The following STX1A variants were observed in gnomAD, a reference collection of about 807,000 sequenced individuals.
The protein encoded by STX1A is syntaxin 1A.
In STX1A, 4 loss-of-function variants were observed where a neutral mutation model predicts 37.8. That is an observed-to-expected ratio of 0.11 (90% CI 0.05 to 0.24). STX1A has a LOEUF of 0.24. Ranked by LOEUF, STX1A falls within the 10% of genes least tolerant of loss-of-function variation. STX1A has a pLI of 1.00. For missense variants in STX1A, 251 were observed against 399.9 expected (o/e 0.63, Z 3.18); for synonymous variants, 135 against 147.4 (o/e 0.92, Z 0.61).
chr7:73,706,657 T>TC lies in STX1A; in HGVS notation c.209-1434dup, dbSNP rs1554617047. On this transcript the variant is annotated intron_variant, in intron 3 of 9. Coordinates refer to ENST00000222812, the MANE Select transcript of STX1A (RefSeq NM_004603.4). The surrounding 1 kb of genome is among the most constrained non-coding windows in gnomAD (Gnocchi z 4.6). ...GAGCCCAAGGTGTGGAGCAGACAGCTCTGCTGCCCCATGCCCGCCCCACCT... is the reference window on the plus strand; with the variant it reads ...GAGCCCAAGGTGTGGAGCAGACAGCTCCTGCTGCCCCATGCCCGCCCCACCT... Among the ~76,000 whole-genome samples, 1 of 151,894 alleles carries TC rather than the reference T, an allele frequency of 6.6e-6. No individual in the cohort carries two copies. The highest frequency in any genetic ancestry group is 2.4e-5 in the African/African-American group (1 of 41,316).
In STX1A at chr7:73,704,123, G is replaced by A. The variant is rs1033645257; in HGVS notation, c.466+25C>T. 5 of 685,720 alleles carry A rather than the reference G, an allele frequency of 7.3e-6. No homozygotes were observed. The Admixed American group carries it at 9.7e-5, about 13-fold the overall frequency. The allele number at this position is 685,720 out of a possible 1,614,324, so 42.5% of individuals were successfully genotyped here. On this transcript the variant is annotated intron_variant, in intron 6 of 9. Transcript: ENST00000222812. ...CCCGCCCCTCCAGGCTCCAGGCCCC[G>A]CCCCAGGCCCCACCCCCAGCTCACT...
At chr7:73,712,937 C>T (rs1799155388) in intron 1 of STX1A, among the ~76,000 whole-genome samples, 1 of 152,140 alleles carries the variant, frequency 6.6e-6, no homozygotes. Flanking sequence ...TGGGCAATGC[C>T]AAAGATCTGG....
In STX1A at chr7:73,716,099, G is replaced by T. The variant is rs1018309975; in HGVS notation, c.30+3503C>A. On this transcript the variant is annotated intron_variant, in intron 1 of 9. Transcript: ENST00000222812. ...CTGTTTTCTGATCTGTAAGATAGGA[G>T]GTTGAACTAGATGGTCCCGGGAGGC... is the stretch of plus-strand genomic sequence containing the variant. 2.6e-5 allele frequency among the ~76,000 whole-genome samples: 4 copies of T among 152,370 alleles called. No homozygotes were observed. The East Asian group carries it at 7.7e-4, about 29-fold the overall frequency.
In STX1A at chr7:73,705,372, GC is replaced by G. The variant is rs1231485476; in HGVS notation, c.209-149del. The G allele has an allele frequency of 2.2e-5, 14 of 647,938 alleles. No homozygotes were observed. The highest frequency in any genetic ancestry group is 3.7e-5 in the African/African-American group (2 of 54,464). The allele number at this position is 647,938 out of a possible 1,614,324, so 40.1% of individuals were successfully genotyped here. ...CCCCTGGCTAAGGCTCTGCCTGCCC[GC>G]CCCCCTCCCCCAATTCTGGGCCAGG... On this transcript the variant is annotated intron_variant, in intron 3 of 9. Coordinates refer to ENST00000222812, the MANE Select transcript of STX1A (RefSeq NM_004603.4). The surrounding 1 kb of genome is among the most constrained non-coding windows in gnomAD (Gnocchi z 5.2).
At position 73,700,935 on chromosome 7, in the gene STX1A, G is replaced by A. The variant is rs1180416539; in HGVS notation, c.679-95C>T. 1.3e-6 allele frequency: 2 copies of A among 1,568,088 alleles called. No homozygotes were observed. Among genetic ancestry groups the A allele is most frequent in the Non-Finnish European group, 1.7e-6 (2 of 1,162,460 alleles). ...ACTTCAGGAAAGCACCCTGAGGCTAGAGACAAAAAGGGGGCGTGAGGAGGT... is the reference window on the plus strand; with the variant it reads ...ACTTCAGGAAAGCACCCTGAGGCTAAAGACAAAAAGGGGGCGTGAGGAGGT... On this transcript the variant is annotated intron_variant, in intron 8 of 9. Coordinates refer to ENST00000222812, the MANE Select transcript of STX1A (RefSeq NM_004603.4). The surrounding 1 kb of genome is among the most constrained non-coding windows in gnomAD (Gnocchi z 4.4).
chr7:73,700,618 C>T lies in STX1A; in HGVS notation c.789+112G>A. ...AGGTGACGGCCTGGGAGGGGGCTGT[C>T]ATGGGGAGCTCCTGAGAGAAGGGAG... On this transcript the variant is annotated intron_variant, in intron 9 of 9. Transcript: ENST00000222812. This position sits in a 1 kb window ranked among gnomAD's most constrained non-coding sequence, Gnocchi z 4.4. 1.3e-6 allele frequency: 2 copies of T among 1,505,132 alleles called. No individual in the cohort carries two copies. The highest frequency in any genetic ancestry group is 1.8e-6 in the Non-Finnish European group (2 of 1,105,206). The allele number at this position is 1,505,132 out of a possible 1,614,324, so 93.2% of individuals were successfully genotyped here.
intron 1 of STX1A, among the ~76,000 whole-genome samples, chr7:73,712,147 G>A (rs962115224): frequency 2.0e-5 from 3 of 152,052 alleles, no homozygotes; most frequent in African/African-American, 7.2e-5. Context: ...CAGTCGGGGG[G>A]CTGAGGGCCT....
At chr7:73,711,041 T>G (rs1584253135) in intron 1 of STX1A, among the ~76,000 whole-genome samples, 1 of 152,028 alleles carries the variant, frequency 6.6e-6, no homozygotes, top group African/African-American at 2.4e-5. Flanking sequence ...CAGGCTGGAG[T>G]GCAGTGGCAC....
At chr7:73,710,211 C>T (rs532389468) in intron 1 of STX1A, among the ~76,000 whole-genome samples, 4 of 152,368 alleles carry the variant, frequency 2.6e-5, no homozygotes, top group East Asian at 1.9e-4. Flanking sequence ...CCACCCCCAT[C>T]GTGGGGCAGG....
chr7:73,719,633 C>G lies in STX1A; in HGVS notation c.-2G>C. On this transcript the variant is annotated 5_prime_UTR_variant, in exon 1 of 10. Transcript: ENST00000222812. ...GAGCTCCTGGGTTCGGTCCTTCATG[C>G]TCCCGGGAGTGGCAGCGGCGCCGGC... 1 of 1,199,148 alleles carries G rather than the reference C, an allele frequency of 8.3e-7. No individual in the cohort carries two copies. Among genetic ancestry groups the G allele is most frequent in the Middle Eastern group, 3.4e-4 (1 of 2,980 alleles). The allele number at this position is 1,199,148 out of a possible 1,614,324, so 74.3% of individuals were successfully genotyped here. A position where few individuals can be genotyped will look rare whatever the true frequency, so the allele number is the denominator to read the frequency against.
Position 73,703,723 on chromosome 7 carries a change from G to T in STX1A, c.540+32C>A, listed in dbSNP as rs1490970449. On this transcript the variant is annotated intron_variant, in intron 7 of 9. Transcript: ENST00000222812. ...TGGACGTAGGGAACATGGTGAGGGG[G>T]TCATGGCAGGAGGGATGGGGCCTAC... is the stretch of plus-strand genomic sequence containing the variant. The T allele has an allele frequency of 5.0e-6, 8 of 1,605,650 alleles. No homozygotes were observed. The African/African-American group carries it at 5.3e-5, about 11-fold the overall frequency.
At chr7:73,715,991 A>G (rs1268562825) in intron 1 of STX1A, among the ~76,000 whole-genome samples, 1 of 152,138 alleles carries the variant, frequency 6.6e-6, no homozygotes, top group Non-Finnish European at 1.5e-5. Flanking sequence ...TGGCTCAGGG[A>G]GGCAGCTTCA....
intron 1 of STX1A, among the ~76,000 whole-genome samples, chr7:73,718,173 A>G (rs1799358086): frequency 6.6e-6 from 1 of 152,012 alleles, no homozygotes; most frequent in South Asian, 2.1e-4. Flanking sequence ...GCCGCGGGGG[A>G]AGTGTTTAGA....
rs1165072859 is a variant in STX1A at position 73,709,919 on chromosome 7, CG to C, written c.31-798del. 6.6e-6 allele frequency among the ~76,000 whole-genome samples: 1 copy of C among 151,816 alleles called. No homozygotes were observed. On this transcript the variant is annotated intron_variant, in intron 1 of 9. Transcript: ENST00000222812. The surrounding 1 kb of genome is among the most constrained non-coding windows in gnomAD (Gnocchi z 4.2). The stretch of plus-strand genomic sequence containing the variant: ...AATTTAATTTTTATTTTTGTAGAGA[CG>C]GGGGTCTCACTGTGTTACCCAGGCT...
At chr7:73,719,550 C>A in intron 1 of STX1A, 52 bp downstream of exon 1, 1 of 1,202,042 alleles carries the variant, frequency 8.3e-7, no homozygotes. Flanking sequence ...GTGTCCGGCG[C>A]GTTGGCGCTG....
intron 3 of STX1A, among the ~76,000 whole-genome samples, chr7:73,707,491 G>A (rs972366862): frequency 1.3e-5 from 2 of 152,188 alleles, no homozygotes; most frequent in South Asian, 4.1e-4. Flanking sequence ...CCCCTGGGAG[G>A]CGAGGGGAGG....
At chr7:73,713,182 C>T (rs953763374) in intron 1 of STX1A, among the ~76,000 whole-genome samples, 10 of 152,190 alleles carry the variant, frequency 6.6e-5, no homozygotes, top group South Asian at 2.1e-4. Flanking sequence ...CGCCCCTGCA[C>T]CCTCATCCAC....
chr7:73,718,750 C>A (rs1424595476), intron 1 of STX1A, among the ~76,000 whole-genome samples: 10 of 152,210 alleles, frequency 6.6e-5, no homozygotes, highest in Admixed American at 6.5e-4. Flanking sequence ...GCAGGGGTCT[C>A]TGGGCTGGGA....
At position 73,703,840 on chromosome 7, in the gene STX1A, T is replaced by TG; in HGVS notation, c.467-13dup. ...CGTGGTCCTGCCGGCTGCAAGCGAG[T>TG]GGGGTCACACTGAGCCCAGCCCTCT... On this transcript the variant is annotated splice_polypyrimidine_tract_variant and intron_variant, in intron 6 of 9. Transcript: ENST00000222812. 6.2e-7 allele frequency: 1 copy of TG among 1,612,380 alleles called. No homozygotes were observed. Among genetic ancestry groups the TG allele is most frequent in the Non-Finnish European group, 8.5e-7 (1 of 1,179,336 alleles).
Sources: gnomAD v4.1 joint callset for allele counts (sites outside exome capture counted in the v4.1 genomes callset) on GRCh38, gnomAD v4.1.1 for gene constraint, Gnocchi (gnomAD v3.1) non-coding constraint, MANE v1.5 for transcripts, NCBI Gene and HGNC (gene_info 2026-07-23, HGNC 2026-07-21) for gene names.